The following NRXN3 variants were observed in gnomAD, a reference collection of about 807,000 sequenced individuals.
The protein encoded by NRXN3 is neurexin III.
In NRXN3, 32 loss-of-function variants were observed where a neutral mutation model predicts 137.6. The observed-to-expected ratio is 0.23, with a 90% CI of 0.18 to 0.31. The LOEUF is 0.31. NRXN3 is among the 10% of genes least tolerant of loss of function. The pLI, the probability that NRXN3 is intolerant of heterozygous loss-of-function variation, is 1.00. For missense variants in NRXN3, 1,574 were observed against 2,062.5 expected (o/e 0.76, Z 4.59); for synonymous variants, 798 against 784.5 (o/e 1.02, Z -0.29).
chr14:79,457,633 G>T (rs1160694593), intron 15 of NRXN3, among the ~76,000 whole-genome samples: 1 of 152,058 alleles, frequency 6.6e-6, no homozygotes. Flanking sequence ...CAGAAAAATC[G>T]TGTTGTATGA....
chr14:78,529,802 C>A lies in NRXN3; in HGVS notation c.758-115318C>A, dbSNP rs143142932. Among the ~76,000 whole-genome samples the A allele has an allele frequency of 4.1e-3, 631 of 152,266 alleles. 7 individuals are homozygous for A. Among genetic ancestry groups the A allele is most frequent in the African/African-American group, 0.014 (592 of 41,564 alleles). On this transcript the variant is annotated intron_variant, in intron 4 of 20. Coordinates refer to ENST00000335750, the MANE Select transcript of NRXN3 (RefSeq NM_001330195.2). The stretch of plus-strand genomic sequence containing the variant: ...GACTCCCATGCTGGGCCATCTCATC[C>A]CCCATCAACAAATCACCTTGCTACC...
At chr14:78,796,457 A>C (rs918889) in intron 8 of NRXN3, among the ~76,000 whole-genome samples, 3 of 152,208 alleles carry the variant, frequency 2.0e-5, no homozygotes, top group African/African-American at 7.2e-5. Context: ...AAGTTAGAGA[A>C]GTTCATGGCT....
intron 2 of NRXN3, among the ~76,000 whole-genome samples, chr14:78,257,287 G>T (rs1193061430): frequency 6.6e-6 from 1 of 152,156 alleles, no homozygotes; most frequent in African/African-American, 2.4e-5. Flanking sequence ...CTCTTTATTG[G>T]AATAAGTTTA....
intron 17 of NRXN3, among the ~76,000 whole-genome samples, chr14:79,665,380 T>C (rs1003004714): frequency 6.6e-6 from 1 of 152,162 alleles, no homozygotes; most frequent in African/African-American, 2.4e-5. Context: ...AGGTTATCTT[T>C]GAGTATTTGA....
intron 6 of NRXN3, among the ~76,000 whole-genome samples, chr14:78,656,762 G>A (rs560316661): frequency 5.9e-4 from 90 of 152,124 alleles, no homozygotes; most frequent in Non-Finnish European, 1.1e-3. Flanking sequence ...GTGGTCCCTC[G>A]GCCGAGTGCG....
chr14:79,132,030 C>G (rs533467540), intron 15 of NRXN3, among the ~76,000 whole-genome samples: 4 of 152,398 alleles, frequency 2.6e-5, no homozygotes, highest in African/African-American at 9.6e-5. Flanking sequence ...CCTCGCCCTG[C>G]TTCAGCTCAC....
intron 20 of NRXN3, among the ~76,000 whole-genome samples, chr14:79,818,559 A>AC (rs2099260349): frequency 6.6e-6 from 1 of 152,074 alleles, no homozygotes; most frequent in African/African-American, 2.4e-5. Flanking sequence ...AAGAAAGCAA[A>AC]AAACAACAAC....
At position 79,745,003 on chromosome 14, in the gene NRXN3, T is replaced by C. The variant is rs901244505; in HGVS notation, c.4014+47066T>C. Among the ~76,000 whole-genome samples, 41 of 142,410 alleles carry C rather than the reference T, an allele frequency of 2.9e-4. 1 individual carries two copies. Among genetic ancestry groups the C allele is most frequent in the Non-Finnish European group, 4.8e-4 (32 of 66,736 alleles). 93.4% of individuals were successfully genotyped at this position (142,410 alleles called of 152,430 possible). The stretch of plus-strand genomic sequence containing the variant: ...GGACCAGTTTAAGTCAAAAGTTGAA[T>C]ATAAGTCATATCTTTAGAAAAAAAA... On this transcript the variant is annotated intron_variant, in intron 19 of 20. Coordinates refer to ENST00000335750, the MANE Select transcript of NRXN3 (RefSeq NM_001330195.2).
chr14:79,412,034 G>A (rs764127303), intron 15 of NRXN3, among the ~76,000 whole-genome samples: 2 of 152,038 alleles, frequency 1.3e-5, no homozygotes, highest in Admixed American at 6.6e-5. Context: ...AATTGACATG[G>A]GATCCTGGCC....
chr14:78,411,262 C>T (rs1010823093), intron 4 of NRXN3, among the ~76,000 whole-genome samples: 12 of 152,266 alleles, frequency 7.9e-5, no homozygotes, highest in African/African-American at 2.6e-4. Context: ...AGTGAATTAA[C>T]TTGTCATTAT....
At chr14:78,851,345 A>G (rs1036491471) in intron 10 of NRXN3, among the ~76,000 whole-genome samples, 1 of 152,150 alleles carries the variant, frequency 6.6e-6, no homozygotes, top group Non-Finnish European at 1.5e-5. Flanking sequence ...CTGAACTTGA[A>G]ATTGGGCAGA....
At chr14:79,156,754 T>C (rs1254169237) in intron 15 of NRXN3, among the ~76,000 whole-genome samples, 1 of 151,796 alleles carries the variant, frequency 6.6e-6, no homozygotes, top group Non-Finnish European at 1.5e-5. Context: ...TTGTTTGGAA[T>C]TGGCAGCAAT....
chr14:78,448,077 A>G (rs1040444891), intron 4 of NRXN3, among the ~76,000 whole-genome samples: 9 of 152,206 alleles, frequency 5.9e-5, no homozygotes, highest in African/African-American at 2.2e-4. Context: ...TTTAAAGCAC[A>G]GGTCAAATAC....
chr14:79,481,569 A>C (rs1323411345), intron 16 of NRXN3, among the ~76,000 whole-genome samples: 3 of 152,236 alleles, frequency 2.0e-5, no homozygotes, highest in East Asian at 3.9e-4. Flanking sequence ...AACATGTCTA[A>C]ATAAAAAAGC....
intron 15 of NRXN3, among the ~76,000 whole-genome samples, chr14:79,362,771 A>T (rs1281651394): frequency 6.6e-6 from 1 of 152,206 alleles, no homozygotes; most frequent in Non-Finnish European, 1.5e-5. Context: ...ATTGGGCTTT[A>T]TCCCCAGCAA....
chr14:78,451,854 C>A (rs192649095), intron 4 of NRXN3, among the ~76,000 whole-genome samples: 1 of 152,142 alleles, frequency 6.6e-6, no homozygotes, highest in Non-Finnish European at 1.5e-5. Flanking sequence ...TATTTGCAGG[C>A]GTTAGAATGG....
intron 8 of NRXN3, among the ~76,000 whole-genome samples, chr14:78,798,376 C>T (rs1236547782): frequency 6.6e-6 from 1 of 152,210 alleles, no homozygotes; most frequent in South Asian, 2.1e-4. Context: ...TCCTTTGACT[C>T]CATATCTCAC....
Position 79,197,583 on chromosome 14 carries a change from G to A in NRXN3, c.3262+209442G>A, listed in dbSNP as rs535185400. Among the ~76,000 whole-genome samples, 19 of 150,072 alleles carry A rather than the reference G, an allele frequency of 1.3e-4. No homozygotes were observed. The South Asian group carries it at 3.0e-3, about 23-fold the overall frequency. ...TTTTTTTTTAATTCCATGATTTACT[G>A]GAAATCTCAAAGGATGTTTGAATGA... On this transcript the variant is annotated intron_variant, in intron 15 of 20. Coordinates refer to ENST00000335750, the MANE Select transcript of NRXN3 (RefSeq NM_001330195.2).
chr14:79,251,937 G>T (rs980383820), intron 15 of NRXN3, among the ~76,000 whole-genome samples: 2 of 151,578 alleles, frequency 1.3e-5, no homozygotes, highest in Admixed American at 6.6e-5. Context: ...TCTCACTTGA[G>T]CTTCACAAGT....
Sources: allele counts gnomAD v4.1 joint callset (sites outside exome capture counted in the v4.1 genomes callset), GRCh38; gene constraint gnomAD v4.1.1; transcripts MANE v1.5; gene names NCBI Gene and HGNC (gene_info 2026-07-23, HGNC 2026-07-21).